TMEM132B: variants seen among roughly 807,000 people sequenced by gnomAD.
TMEM132B encodes transmembrane protein 132B.
TMEM132B carries 18 observed loss-of-function variants against 90.8 expected under a neutral mutation model. That is an observed-to-expected ratio of 0.20 (90% CI 0.14 to 0.29). TMEM132B has a LOEUF of 0.29. TMEM132B is among the 10% of genes least tolerant of loss of function. The pLI is 1.00. For missense variants in TMEM132B, 1,096 were observed against 1,326.8 expected (o/e 0.83, Z 2.70); for synonymous variants, 504 against 523.3 (o/e 0.96, Z 0.50).
chr12:125,211,081 T>A (rs201477197), intron 1 of TMEM132B, among the ~76,000 whole-genome samples: 48 of 86,808 alleles, frequency 5.5e-4, no homozygotes, highest in Non-Finnish European at 7.7e-4. Flanking sequence ...AAAAAAAAAA[T>A]GTGAAAACAA....
At chr12:125,314,271 C>T (rs80347845) in intron 1 of TMEM132B, among the ~76,000 whole-genome samples, 5 of 152,182 alleles carry the variant, frequency 3.3e-5, no homozygotes, top group African/African-American at 1.2e-4. Context: ...CGAGGGCTCA[C>T]CTTCTTGGAA....
At chr12:125,293,195 T>C (rs757512037) in intron 1 of TMEM132B, among the ~76,000 whole-genome samples, 10 of 152,254 alleles carry the variant, frequency 6.6e-5, no homozygotes, top group Non-Finnish European at 1.3e-4. Flanking sequence ...AGACTCCCTG[T>C]TCACCTGTGG....
chr12:125,382,516 T>A (rs1276817416), intron 2 of TMEM132B, among the ~76,000 whole-genome samples: 2 of 152,196 alleles, frequency 1.3e-5, no homozygotes, highest in African/African-American at 4.8e-5. Context: ...TCTGACTCTT[T>A]ATGACCTTGC....
chr12:125,652,020 T>C (rs534489223), intron 7 of TMEM132B, among the ~76,000 whole-genome samples: 1 of 152,356 alleles, frequency 6.6e-6, no homozygotes, highest in South Asian at 2.1e-4. Context: ...AGGTCTCTGC[T>C]TTTAAGGACT....
chr12:125,319,379 G>A (rs1397854034), intron 1 of TMEM132B, among the ~76,000 whole-genome samples: 5 of 152,164 alleles, frequency 3.3e-5, no homozygotes, highest in Non-Finnish European at 7.3e-5. Flanking sequence ...TTCCAGTATG[G>A]GTCCCAACGC....
chr12:125,216,960 C>T (rs1403898279), intron 1 of TMEM132B, among the ~76,000 whole-genome samples: 4 of 152,188 alleles, frequency 2.6e-5, no homozygotes, highest in Non-Finnish European at 2.9e-5. Context: ...AAGCTGGAGC[C>T]GTCAGGCCCT....
At chr12:125,301,485 A>C (rs1054154258) in intron 1 of TMEM132B, 18 of 152,332 alleles carry the variant, frequency 1.2e-4, no homozygotes, top group Admixed American at 1.2e-3. Flanking sequence ...TGAGGAGAAC[A>C]CACCCAAGCT....
intron 1 of TMEM132B, among the ~76,000 whole-genome samples, chr12:125,188,174 A>G (rs948929156): frequency 2.0e-5 from 3 of 152,156 alleles, no homozygotes; most frequent in Admixed American, 6.5e-5. Flanking sequence ...AAAACCTTCT[A>G]TTGGAGATCT....
At chr12:125,487,922 A>G (rs1882243846) in intron 3 of TMEM132B, among the ~76,000 whole-genome samples, 1 of 152,124 alleles carries the variant, frequency 6.6e-6, no homozygotes, top group African/African-American at 2.4e-5. Flanking sequence ...ATCATATTAT[A>G]TCCTGTATTA....
chr12:125,419,600 G>C (rs1247859365), intron 3 of TMEM132B, among the ~76,000 whole-genome samples: 1 of 152,126 alleles, frequency 6.6e-6, no homozygotes, highest in East Asian at 1.9e-4. Context: ...ATGAGATTTG[G>C]GCGGGGACAC....
At chr12:125,466,005 A>G (rs1331615875) in intron 3 of TMEM132B, among the ~76,000 whole-genome samples, 2 of 152,310 alleles carry the variant, frequency 1.3e-5, no homozygotes, top group South Asian at 2.1e-4. Context: ...ATGAGCCACA[A>G]TAAATCTATT....
chr12:125,333,238 C>T (rs1039062872), intron 1 of TMEM132B, among the ~76,000 whole-genome samples: 13 of 152,190 alleles, frequency 8.5e-5, no homozygotes, highest in Non-Finnish European at 1.3e-4. Flanking sequence ...TGTCCTTTCT[C>T]TTATAAGGAC....
At chr12:125,468,299 A>G (rs763625979) in intron 3 of TMEM132B, among the ~76,000 whole-genome samples, 8 of 152,182 alleles carry the variant, frequency 5.3e-5, no homozygotes, top group South Asian at 2.1e-4. Context: ...GATCAAAGCC[A>G]TTTAGTGGGT....
intron 1 of TMEM132B, among the ~76,000 whole-genome samples, chr12:125,308,994 A>G (rs1417879271): frequency 6.6e-6 from 1 of 152,178 alleles, no homozygotes; most frequent in Non-Finnish European, 1.5e-5. Flanking sequence ...CCAACAATAT[A>G]TTCTGTAGAC....
At position 125,186,699 on chromosome 12, in the gene TMEM132B, G is replaced by C. The variant is rs1957762345; in HGVS notation, c.-101G>C. 2.0e-5 allele frequency: 3 copies of C among 146,606 alleles called. No individual in the cohort carries two copies. Among genetic ancestry groups the C allele is most frequent in the Admixed American group, 2.0e-4 (3 of 14,768 alleles). The allele number at this position is 146,606 out of a possible 1,614,324, so 9.1% of individuals were successfully genotyped here. A position where few individuals can be genotyped will look rare whatever the true frequency, so the allele number is the denominator to read the frequency against. ...GCGCGCTGGGAGCGAGCCATGCCCG[G>C]CGCCCGGGCGTAGCCGCCGGGGGCT... On this transcript the variant is annotated 5_prime_UTR_variant, in exon 1 of 9. Transcript: ENST00000682704. This position sits in a 1 kb window ranked among gnomAD's most constrained non-coding sequence, Gnocchi z 6.3.
chr12:125,290,917 G>A (rs1374594092), intron 1 of TMEM132B, among the ~76,000 whole-genome samples: 1 of 152,122 alleles, frequency 6.6e-6, no homozygotes, highest in Non-Finnish European at 1.5e-5. Context: ...GAGGAATATC[G>A]CTCCTGAGAC....
At chr12:125,193,678 A>T (rs1339796289) in intron 1 of TMEM132B, among the ~76,000 whole-genome samples, 1 of 152,214 alleles carries the variant, frequency 6.6e-6, no homozygotes, top group African/African-American at 2.4e-5. Flanking sequence ...TTCTTTGCAG[A>T]GTGCCTGGCA....
At chr12:125,500,558 G>A (rs1240942482) in intron 3 of TMEM132B, among the ~76,000 whole-genome samples, 1 of 152,194 alleles carries the variant, frequency 6.6e-6, no homozygotes, top group Non-Finnish European at 1.5e-5. Context: ...GATAATCTGA[G>A]GTTCCTCTTG....
At position 125,497,242 on chromosome 12, in the gene TMEM132B, C is replaced by G. The variant is rs182097719; in HGVS notation, c.1107-22197C>G. 8.5e-5 allele frequency among the ~76,000 whole-genome samples: 13 copies of G among 152,336 alleles called. No homozygotes were observed. The East Asian group carries it at 2.5e-3, about 29-fold the overall frequency. The stretch of plus-strand genomic sequence containing the variant: ...TCTAGGTAAGAAGCACTTCAAATCT[C>G]AGCTTGGATGTTCTGCCCAAGTTGG... On this transcript the variant is annotated intron_variant, in intron 3 of 8. Transcript: ENST00000682704.
Sources: gnomAD v4.1 joint callset for allele counts (sites outside exome capture counted in the v4.1 genomes callset) on GRCh38, gnomAD v4.1.1 for gene constraint, Gnocchi (gnomAD v3.1) non-coding constraint, MANE v1.5 for transcripts, NCBI Gene and HGNC (gene_info 2026-07-23, HGNC 2026-07-21) for gene names.